The following PFKFB3 variants were observed in gnomAD, a reference collection of about 807,000 sequenced individuals.
PFKFB3 encodes 6-phosphofructo-2-kinase/fructose-2,6-biphosphatase 3.
In PFKFB3, 33 loss-of-function variants were observed where a neutral mutation model predicts 68.0. The ratio of observed to expected loss-of-function variants is 0.49; its 90% CI spans 0.37 to 0.65. PFKFB3 has a LOEUF of 0.65. Among genes scored for constraint, PFKFB3 ranks in the 30% least tolerant of loss-of-function variants. The pLI is 0.00. For missense variants in PFKFB3, 586 were observed against 712.2 expected, an observed-to-expected ratio of 0.82 and a Z score of 2.02; for synonymous variants, 315 against 288.2, an observed-to-expected ratio of 1.09 and a Z score of -0.94.
chr10:6,223,040 C>T (rs982519777), intron 11 of PFKFB3, 56 bp downstream of exon 11: 60 of 1,559,022 alleles, frequency 3.8e-5, no homozygotes, highest in East Asian at 6.9e-5. Flanking sequence ...TGGCACTCGG[C>T]GGGGGGTCAG....
chr10:6,189,382 T>G (rs1030626870), intron 1 of PFKFB3, among the ~76,000 whole-genome samples: 20 of 152,202 alleles, frequency 1.3e-4, no homozygotes, highest in Non-Finnish European at 2.9e-5. Flanking sequence ...TTAGAATTTT[T>G]TAGAATATTT....
chr10:6,254,097 C>CTTTTTTTTTTTTTTTTTTTTT (rs34789693), intron 14 of PFKFB3: 1 of 301,164 alleles, frequency 3.3e-6, no homozygotes, highest in African/African-American at 2.5e-5. Flanking sequence ...TTTCAGATGG[C>CTTTTTTTTTTTTTTTTTTTTT]TTTTTTTTTT....
At chr10:6,257,364 G>T (rs1846502853), downstream of PFKFB3, among the ~76,000 whole-genome samples, 1 of 152,128 alleles carries the variant, frequency 6.6e-6, no homozygotes, top group South Asian at 2.1e-4. Context: ...ACTCAACTCT[G>T]GGAAAAATAA....
Position 6,228,768 on chromosome 10 carries a change from G to A in PFKFB3, c.1515+2403G>A, listed in dbSNP as rs1197777425. ...CCCACACCCCAAAAGAGCTCCGAGTGGAGACCCTTGGGGATCCGTTTGTCC... is the reference window on the plus strand; with the variant it reads ...CCCACACCCCAAAAGAGCTCCGAGTAGAGACCCTTGGGGATCCGTTTGTCC... On this transcript the variant is annotated intron_variant, in intron 14 of 14. Coordinates refer to ENST00000379775, the MANE Select transcript of PFKFB3 (RefSeq NM_004566.4). This position sits in a 1 kb window ranked among gnomAD's most constrained non-coding sequence, Gnocchi z 4.5. Among the ~76,000 whole-genome samples, 2 of 152,186 alleles carry A rather than the reference G, an allele frequency of 1.3e-5. No individual in the cohort carries two copies. The highest frequency in any genetic ancestry group is 2.1e-4 in the South Asian group (1 of 4,826).
chr10:6,226,296 T>C lies in PFKFB3; in HGVS notation c.1446T>C (p.His482=). The C allele has an allele frequency of 1.9e-6, 3 of 1,614,144 alleles. No individual in the cohort carries two copies. The highest frequency in any genetic ancestry group is 1.1e-5 in the South Asian group (1 of 91,088). The change falls in exon 14 of 15, where the codon CAT becomes CAC. Residue 482 remains histidine (H), a synonymous_variant. Coordinates refer to ENST00000379775, the MANE Select transcript of PFKFB3 (RefSeq NM_004566.4). ...KKPRINSFEE[H]VASTSAALPS... Reference sequence around the variant, plus strand: ...CTCGCATCAACAGCTTTGAGGAGCATGTGGCCTCCACCTCGGCCGCCCTGC... The same window carrying C: ...CTCGCATCAACAGCTTTGAGGAGCACGTGGCCTCCACCTCGGCCGCCCTGC...
chr10:6,152,917 C>T (rs1420248774), intron 1 of PFKFB3, among the ~76,000 whole-genome samples: 1 of 151,852 alleles, frequency 6.6e-6, no homozygotes, highest in Non-Finnish European at 1.5e-5. Context: ...CGGTGGCTCA[C>T]GCCTGTAATC....
chr10:6,194,255 G>T (rs1843109320), intron 1 of PFKFB3, among the ~76,000 whole-genome samples: 1 of 152,140 alleles, frequency 6.6e-6, no homozygotes, highest in East Asian at 1.9e-4. Flanking sequence ...GATAAGACAA[G>T]CCTGGTTCAT....
intron 1 of PFKFB3, among the ~76,000 whole-genome samples, chr10:6,158,299 T>TAAATAAATAAGATA (rs1841868940): frequency 6.7e-6 from 1 of 149,260 alleles, no homozygotes; most frequent in Admixed American, 6.7e-5. Context: ...TAAAAATAAA[T>TAAATAAATAAGATA]AAATAAATAA....
chr10:6,188,862 T>C (rs1249453125), intron 1 of PFKFB3, among the ~76,000 whole-genome samples: 1 of 142,140 alleles, frequency 7.0e-6, no homozygotes, highest in Admixed American at 7.6e-5. Flanking sequence ...TTAGACGGAG[T>C]CTCGCTCTGT....
intron 1 of PFKFB3, chr10:6,146,634 T>C: frequency 1.2e-6 from 1 of 844,990 alleles, no homozygotes; most frequent in South Asian, 1.7e-5. Flanking sequence ...ATGTAGGCTC[T>C]GGTTGGGAAA....
chr10:6,320,666 C>T, the PFKFB3 span, among the ~76,000 whole-genome samples: 3 of 152,150 alleles, frequency 2.0e-5, no homozygotes, highest in Non-Finnish European at 4.4e-5. Context: ...CTTAAGGGAT[C>T]CTCCTGCCTC....
At chr10:6,207,367 A>C (rs542921173) in intron 1 of PFKFB3, among the ~76,000 whole-genome samples, 41 of 152,352 alleles carry the variant, frequency 2.7e-4, no homozygotes, top group African/African-American at 9.1e-4. Flanking sequence ...GGGAGGTTGC[A>C]GTGAGCCGAG....
At chr10:6,231,695 C>A in intron 14 of PFKFB3, 1 of 588,312 alleles carries the variant, frequency 1.7e-6, no homozygotes, top group Non-Finnish European at 2.1e-6. Context: ...GATATGAGGA[C>A]CCAGGGCTCT....
chr10:6,292,188 A>G, the PFKFB3 span, among the ~76,000 whole-genome samples: 1 of 150,256 alleles, frequency 6.7e-6, no homozygotes, highest in South Asian at 2.1e-4. Context: ...TCCTGATCTC[A>G]AGTGATCCTC....
intron 1 of PFKFB3, among the ~76,000 whole-genome samples, chr10:6,172,823 GA>G (rs56885054): frequency 0.2 from 28,369 of 143,170 alleles, 3,124 homozygotes; most frequent in Non-Finnish European, 0.26. Context: ...CTTCATCTCA[GA>G]AAAAAAAAAA....
At chr10:6,262,369 G>A in the PFKFB3 span, among the ~76,000 whole-genome samples, 1 of 47,096 alleles carries the variant, frequency 2.1e-5, no homozygotes, top group Non-Finnish European at 6.7e-5. Flanking sequence ...CAGGAGAATG[G>A]CGTGAACCCT....
intron 14 of PFKFB3, chr10:6,231,296 T>C: frequency 6.2e-7 from 1 of 1,612,478 alleles, no homozygotes; most frequent in Non-Finnish European, 8.5e-7. Context: ...CAAAGTTTTC[T>C]CCTTACTAAC....
At chr10:6,271,320 G>A in the PFKFB3 span, among the ~76,000 whole-genome samples, 40 of 152,330 alleles carry the variant, frequency 2.6e-4, no homozygotes, top group Non-Finnish European at 4.6e-4. Context: ...TTCCTGGTGC[G>A]TGTGTGATGC....
Position 6,216,736 on chromosome 10 carries a change from A to T in PFKFB3, c.397A>T (p.Arg133Trp), listed in dbSNP as rs1415036116. Residue 133 changes from arginine (R) to tryptophan (W), a missense_variant, in exon 5 of 15, where the codon AGG (arginine) becomes TGG (tryptophan). By Grantham distance (101) the Arg-to-Trp change is moderately radical (BLOSUM62 -3). Transcript: ENST00000379775. ...VFDATNTTRE[R>W]RHMILHFAKE... is the part of the protein sequence containing the mutation. ...CGATGCCACCAATACTACTAGAGAG[A>T]GGAGACACATGATCCTTCATTTTGC... 6.2e-7 allele frequency: 1 copy of T among 1,613,482 alleles called. No homozygotes were observed. The highest frequency in any genetic ancestry group is 1.7e-5 in the Admixed American group (1 of 60,028).
Sources: allele counts gnomAD v4.1 joint callset (sites outside exome capture counted in the v4.1 genomes callset), GRCh38; gene constraint gnomAD v4.1.1; non-coding constraint Gnocchi (gnomAD v3.1); transcripts MANE v1.5; gene names NCBI Gene and HGNC (gene_info 2026-07-23, HGNC 2026-07-21).